PCDH15: variants seen among roughly 807,000 people sequenced by gnomAD.
PCDH15 encodes protocadherin-15.
PCDH15 carries 129 observed loss-of-function variants against 178.5 expected under a neutral mutation model. The ratio of observed to expected loss-of-function variants is 0.72; its 90% CI spans 0.63 to 0.84. The LOEUF (loss-of-function observed/expected upper bound fraction) is 0.84, where lower values mean the gene tolerates loss of function less well. Among genes scored for constraint, PCDH15 ranks in the 40% least tolerant of loss-of-function variants. PCDH15 has a pLI of 0.00. For missense variants in PCDH15, 2,230 were observed against 2,099.9 expected (o/e 1.06, Z -1.21); for synonymous variants, 800 against 732.0 (o/e 1.09, Z -1.50).
intron 2 of PCDH15, among the ~76,000 whole-genome samples, chr10:54,604,356 A>G (rs1167754618): frequency 2.0e-5 from 3 of 151,930 alleles, no homozygotes; most frequent in Non-Finnish European, 4.4e-5. Flanking sequence ...TGTTCTGTCC[A>G]TTATTAAAAG....
At chr10:55,085,278 G>T (rs985900900) in intron 2 of PCDH15, among the ~76,000 whole-genome samples, 1 of 151,908 alleles carries the variant, frequency 6.6e-6, no homozygotes. Flanking sequence ...AACTTTGCAT[G>T]CTCTCACTCA....
chr10:54,655,608 G>A (rs1305681710), intron 2 of PCDH15: 1 of 152,042 alleles, frequency 6.6e-6, no homozygotes, highest in African/African-American at 2.4e-5. Context: ...ACTGGAATAC[G>A]GAGAAGCTAT....
At chr10:53,834,400 C>A (rs1389308453) in intron 29 of PCDH15, among the ~76,000 whole-genome samples, 1 of 144,556 alleles carries the variant, frequency 6.9e-6, no homozygotes, top group African/African-American at 2.5e-5. Context: ...GTTATTATCT[C>A]CTGATTTTCC....
At chr10:54,002,449 A>T (rs1051448823) in intron 20 of PCDH15, among the ~76,000 whole-genome samples, 2 of 152,110 alleles carry the variant, frequency 1.3e-5, no homozygotes, top group African/African-American at 2.4e-5. Flanking sequence ...AGGTCACAAA[A>T]CAAGTCTTAA....
intron 2 of PCDH15, among the ~76,000 whole-genome samples, chr10:55,533,523 A>G (rs1841504725): frequency 6.6e-6 from 1 of 152,094 alleles, no homozygotes; most frequent in Non-Finnish European, 1.5e-5. Flanking sequence ...CTAATGAAGA[A>G]GGTGAAAGAT....
chr10:55,414,908 C>T (rs1481868712), intron 2 of PCDH15, among the ~76,000 whole-genome samples: 1 of 150,262 alleles, frequency 6.7e-6, no homozygotes, highest in Non-Finnish European at 1.5e-5. Context: ...GATTTAGTTG[C>T]CTTCTATTTA....
intron 1 of PCDH15, among the ~76,000 whole-genome samples, chr10:55,283,968 A>C (rs548294261): frequency 6.7e-6 from 1 of 148,996 alleles, no homozygotes; most frequent in Non-Finnish European, 1.5e-5. Flanking sequence ...TAAGCTCTAT[A>C]CAATACATGG....
At chr10:54,205,433 G>C (rs1018129138) in intron 10 of PCDH15, among the ~76,000 whole-genome samples, 3 of 150,568 alleles carry the variant, frequency 2.0e-5, no homozygotes, top group Non-Finnish European at 4.4e-5. Context: ...AAAAGCTATA[G>C]GTCCAAAGCA....
intron 26 of PCDH15, among the ~76,000 whole-genome samples, chr10:53,873,304 G>A (rs963398810): frequency 2.6e-5 from 4 of 152,168 alleles, no homozygotes; most frequent in Non-Finnish European, 5.9e-5. Context: ...AATCAGTCTG[G>A]TGTTCTTTAA....
intron 2 of PCDH15, among the ~76,000 whole-genome samples, chr10:55,462,097 G>A (rs1839692166): frequency 6.6e-6 from 1 of 151,992 alleles, no homozygotes; most frequent in African/African-American, 2.4e-5. Flanking sequence ...GACTCCCACA[G>A]GTCTAACCAC....
Position 54,504,237 on chromosome 10 carries a change from G to A in PCDH15, c.157+23575C>T, listed in dbSNP as rs556029862. 7.2e-5 allele frequency among the ~76,000 whole-genome samples: 11 copies of A among 152,140 alleles called. No individual in the cohort carries two copies. In the South Asian group the frequency reaches 2.3e-3, roughly 31 times the overall value. ...GCAAGTGAAATAAATGACTATATAG[G>A]CATGAAGAACTACTTAGATGCCCTA... On this transcript the variant is annotated intron_variant, in intron 3 of 37. Transcript: ENST00000644397.
At chr10:55,099,588 A>G (rs1376691440) in intron 2 of PCDH15, among the ~76,000 whole-genome samples, 1 of 152,148 alleles carries the variant, frequency 6.6e-6, no homozygotes, top group Non-Finnish European at 1.5e-5. Context: ...ATTCCACATT[A>G]CAGCAGGTAA....
intron 1 of PCDH15, among the ~76,000 whole-genome samples, chr10:55,265,593 C>A (rs991906154): frequency 2.0e-5 from 3 of 151,948 alleles, no homozygotes; most frequent in African/African-American, 7.3e-5. Flanking sequence ...AAATGGGATC[C>A]CAGTGACAAG....
intron 13 of PCDH15, among the ~76,000 whole-genome samples, chr10:54,168,038 T>C (rs2046449223): frequency 1.3e-5 from 2 of 151,642 alleles, no homozygotes; most frequent in South Asian, 4.2e-4. Flanking sequence ...CATTCCTCCT[T>C]CTACTCCCTT....
chr10:54,848,147 G>A (rs1953546016), intron 3 of PCDH15, among the ~76,000 whole-genome samples: 1 of 152,138 alleles, frequency 6.6e-6, no homozygotes, highest in Admixed American at 6.5e-5. Flanking sequence ...GGGAGGCCAA[G>A]GTGGGCAGGT....
intron 2 of PCDH15, among the ~76,000 whole-genome samples, chr10:55,472,613 G>A (rs1276284551): frequency 6.6e-6 from 1 of 152,074 alleles, no homozygotes; most frequent in African/African-American, 2.4e-5. Context: ...CTGTCGCCCA[G>A]GCTGGAGTGC....
intron 2 of PCDH15, among the ~76,000 whole-genome samples, chr10:55,602,131 G>C (rs541925477): frequency 7.6e-4 from 115 of 152,240 alleles, no homozygotes; most frequent in African/African-American, 2.7e-3. Context: ...GTGACAGACA[G>C]CACCTGGAAA....
intron 2 of PCDH15, among the ~76,000 whole-genome samples, chr10:54,587,226 G>A (rs1427912697): frequency 6.6e-6 from 1 of 152,164 alleles, no homozygotes; most frequent in Non-Finnish European, 1.5e-5. Flanking sequence ...AGAAAAGTGT[G>A]CAGTTATGTT....
chr10:55,555,949 T>C (rs1842082556), intron 2 of PCDH15, among the ~76,000 whole-genome samples: 1 of 152,158 alleles, frequency 6.6e-6, no homozygotes, highest in Admixed American at 6.6e-5. Flanking sequence ...TTCATTATCA[T>C]TCAGATACCT....
Sources: gnomAD v4.1 joint callset for allele counts (sites outside exome capture counted in the v4.1 genomes callset) on GRCh38, gnomAD v4.1.1 for gene constraint, MANE v1.5 for transcripts, NCBI Gene and HGNC (gene_info 2026-07-23, HGNC 2026-07-21) for gene names.